Variants in TMEM232 observed in about 807,000 individuals in gnomAD.
The protein encoded by TMEM232 is transmembrane protein 232.
A neutral mutation model predicts 78.8 loss-of-function variants in TMEM232; 80 were observed. The ratio of observed to expected loss-of-function variants is 1.01; its 90% confidence interval spans 0.85 to 1.22. The LOEUF is 1.22. Among genes scored for constraint, TMEM232 ranks in the 50% most tolerant of loss-of-function variants. TMEM232 has a pLI of 0.00. For synonymous variants in TMEM232, 297 were observed against 254.3 expected (o/e 1.17, Z -1.60); for missense variants, 881 against 742.2 (o/e 1.19, Z -2.17).
At chr5:110,463,019 T>C (rs542192810) in intron 12 of TMEM232, among the ~76,000 whole-genome samples, 118 of 152,270 alleles carry the variant, frequency 7.7e-4, no homozygotes, top group Non-Finnish European at 1.4e-3. Flanking sequence ...TCAAATAAAC[T>C]TAGCTGATAA....
intron 12 of TMEM232, among the ~76,000 whole-genome samples, chr5:110,427,103 G>A (rs1301240208): frequency 8.6e-5 from 13 of 151,842 alleles, no homozygotes; most frequent in Non-Finnish European, 1.8e-4. Context: ...AAGATAACAC[G>A]AGAGAAGTAA....
chr5:110,469,292 C>T (rs1261376097), intron 12 of TMEM232, among the ~76,000 whole-genome samples: 1 of 152,196 alleles, frequency 6.6e-6, no homozygotes, highest in African/African-American at 2.4e-5. Context: ...ATCTCCCATC[C>T]CTGAGGCTTA....
intron 12 of TMEM232, among the ~76,000 whole-genome samples, chr5:110,525,370 T>C (rs1022650848): frequency 5.3e-5 from 8 of 151,938 alleles, no homozygotes; most frequent in African/African-American, 1.9e-4. Flanking sequence ...GCAAAATTAA[T>C]CCACAGAAAG....
chr5:110,420,334 A>G lies in TMEM232; in HGVS notation c.*246T>C. On this transcript the variant is annotated 3_prime_UTR_variant, in exon 14 of 14. Coordinates refer to ENST00000455884, the MANE Select transcript of TMEM232 (RefSeq NM_001039763.4). ...GTCAATTGAGAAAAATACTAGATGT[A>G]GTCTTGGAAATTTTTGACTAGTGAA... The G allele has an allele frequency of 3.1e-6, 1 of 318,838 alleles. No homozygotes were observed. Among genetic ancestry groups the G allele is most frequent in the Non-Finnish European group, 5.6e-6 (1 of 177,606 alleles). 19.8% of individuals were successfully genotyped at this position (318,838 alleles called of 1,614,324 possible).
At chr5:110,694,061 C>A (rs549829813) in intron 1 of TMEM232, among the ~76,000 whole-genome samples, 2 of 152,142 alleles carry the variant, frequency 1.3e-5, no homozygotes, top group Non-Finnish European at 2.9e-5. Flanking sequence ...AGAGAAAGGT[C>A]GGGATACCCA....
chr5:110,727,191 CTAATA>C (rs140548858), upstream of TMEM232, among the ~76,000 whole-genome samples: 3,659 of 152,258 alleles, frequency 0.024, 44 homozygotes, highest in African/African-American at 0.032. Flanking sequence ...ATAGAATTAT[CTAATA>C]TAAGTCCTTT....
intron 1 of TMEM232, among the ~76,000 whole-genome samples, chr5:110,694,770 C>T (rs1021376542): frequency 6.6e-6 from 1 of 152,038 alleles, no homozygotes; most frequent in African/African-American, 2.4e-5. Flanking sequence ...AATATATATG[C>T]ACCCAATACA....
chr5:110,713,982 G>A (rs1186957380), intron 1 of TMEM232, among the ~76,000 whole-genome samples: 2 of 152,206 alleles, frequency 1.3e-5, no homozygotes, highest in African/African-American at 4.8e-5. Context: ...GTCAGTTGAA[G>A]AATTCCCAGC....
At chr5:110,716,176 G>A (rs1281657816) in intron 1 of TMEM232, among the ~76,000 whole-genome samples, 1 of 151,936 alleles carries the variant, frequency 6.6e-6, no homozygotes, top group Non-Finnish European at 1.5e-5. Flanking sequence ...ATGGGCCATG[G>A]GTACTCGTAT....
At chr5:110,434,018 C>A (rs1205328845) in intron 12 of TMEM232, among the ~76,000 whole-genome samples, 1 of 151,614 alleles carries the variant, frequency 6.6e-6, no homozygotes, top group African/African-American at 2.4e-5. Context: ...AGGTATCTTT[C>A]CTCCTTGATT....
chr5:110,605,457 C>T (rs1561371916), intron 9 of TMEM232, 99 bp from the exon 10 acceptor site: 2 of 1,324,332 alleles, frequency 1.5e-6, no homozygotes, highest in Non-Finnish European at 2.0e-6. Context: ...CCATAATAAA[C>T]TAATATATCT....
chr5:110,412,959 T>A (rs958005397), intron 2 of TMEM232, among the ~76,000 whole-genome samples: 2 of 152,186 alleles, frequency 1.3e-5, no homozygotes, highest in African/African-American at 4.8e-5. Context: ...CTTGCAATAA[T>A]TTCTACTACT....
intron 10 of TMEM232, among the ~76,000 whole-genome samples, chr5:110,598,169 A>G (rs1160280259): frequency 1.3e-5 from 2 of 152,204 alleles, no homozygotes; most frequent in Non-Finnish European, 2.9e-5. Flanking sequence ...ACAAGAAAAA[A>G]ACAAACAACC....
intron 4 of TMEM232, among the ~76,000 whole-genome samples, chr5:110,388,880 G>A (rs1336454119): frequency 6.6e-6 from 1 of 152,218 alleles, no homozygotes; most frequent in East Asian, 1.9e-4. Context: ...AAGGATGACA[G>A]TCATTTAGGC....
chr5:110,494,947 A>G (rs920584293), intron 12 of TMEM232, among the ~76,000 whole-genome samples: 10 of 151,776 alleles, frequency 6.6e-5, no homozygotes, highest in Non-Finnish European at 1.3e-4. Context: ...AAGTATTCTT[A>G]CAAAAATAAG....
intron 12 of TMEM232, among the ~76,000 whole-genome samples, chr5:110,464,822 A>T (rs1175454474): frequency 3.9e-5 from 6 of 152,164 alleles, no homozygotes; most frequent in Admixed American, 3.9e-4. Context: ...CAATCTATGT[A>T]TCTATCTGTG....
intron 10 of TMEM232, among the ~76,000 whole-genome samples, chr5:110,590,831 C>T (rs1333540984): frequency 6.6e-6 from 1 of 152,058 alleles, no homozygotes; most frequent in Non-Finnish European, 1.5e-5. Flanking sequence ...AAGCAAGCAC[C>T]TTCTTCACAA....
upstream of TMEM232, among the ~76,000 whole-genome samples, chr5:110,730,768 G>A (rs534479637): frequency 1.9e-4 from 29 of 152,222 alleles, 1 homozygote; most frequent in Admixed American, 5.9e-4. Context: ...TACAATACAC[G>A]GGAATTCTGG....
chr5:110,464,277 A>G (rs1761843498), intron 12 of TMEM232, among the ~76,000 whole-genome samples: 1 of 152,186 alleles, frequency 6.6e-6, no homozygotes, highest in African/African-American at 2.4e-5. Context: ...AAATGAGTGA[A>G]AAATGAACAA....
Sources: gnomAD v4.1 joint callset for allele counts (sites outside exome capture counted in the v4.1 genomes callset) on GRCh38, gnomAD v4.1.1 for gene constraint, MANE v1.5 for transcripts, NCBI Gene and HGNC (gene_info 2026-07-23, HGNC 2026-07-21) for gene names.